FRMD4B: variants seen among roughly 807,000 people sequenced by gnomAD.
FRMD4B encodes the protein FERM domain containing 4B.
In FRMD4B, 74 loss-of-function variants were observed where a neutral mutation model predicts 141.5. The observed-to-expected ratio is 0.52, with a 90% CI of 0.43 to 0.63. The LOEUF (loss-of-function observed/expected upper bound fraction) is 0.63, where lower values mean the gene tolerates loss of function less well. Among genes scored for constraint, FRMD4B ranks in the 30% least tolerant of loss-of-function variants. The pLI, the probability that FRMD4B is intolerant of heterozygous loss-of-function variation, is 0.00. For missense variants in FRMD4B, 1,366 were observed against 1,253.4 expected (o/e 1.09, Z -1.36); for synonymous variants, 506 against 467.9 (o/e 1.08, Z -1.05).
exon 2 of FRMD4B, chr3:69,432,738 T>C (rs939087038): frequency 2.0e-5 from 3 of 152,212 alleles, no homozygotes; most frequent in African/African-American, 7.2e-5. Context: ...CATACACTCT[T>C]TCTTCTGGAT....
intron 1 of FRMD4B, among the ~76,000 whole-genome samples, chr3:69,475,106 G>C (rs1705962360): frequency 6.6e-6 from 1 of 152,164 alleles, no homozygotes; most frequent in African/African-American, 2.4e-5. Flanking sequence ...AACAGGGCCA[G>C]GTTATTACTT....
chr3:69,320,653 G>A (rs937913846), intron 1 of FRMD4B, among the ~76,000 whole-genome samples: 5 of 152,260 alleles, frequency 3.3e-5, no homozygotes, highest in Middle Eastern at 6.8e-3. Context: ...ACAAATATAG[G>A]ATCATTTCTG....
intron 4 of FRMD4B, 142 bp from the exon 5 acceptor site, chr3:69,287,978 T>C (rs1700746156): frequency 3.4e-6 from 2 of 586,092 alleles, no homozygotes; most frequent in African/African-American, 3.7e-5. Context: ...AAAAGAAATA[T>C]GCACCGCACG....
chr3:69,272,646 G>A (rs375259830), intron 5 of FRMD4B, among the ~76,000 whole-genome samples: 2 of 152,162 alleles, frequency 1.3e-5, no homozygotes, highest in East Asian at 3.8e-4. Flanking sequence ...ACTCAGCCAG[G>A]TTAGCAGATA....
chr3:69,389,452 A>G (rs189883239), upstream of FRMD4B, among the ~76,000 whole-genome samples: 1 of 152,166 alleles, frequency 6.6e-6, no homozygotes, highest in South Asian at 2.1e-4. Flanking sequence ...GTTTGTGGCA[A>G]CTTGTTTTCA....
intron 5 of FRMD4B, among the ~76,000 whole-genome samples, chr3:69,265,436 C>A: frequency 7.2e-6 from 1 of 139,838 alleles, no homozygotes. Context: ...CTAGGTGGCA[C>A]ATTTATTTGT....
chr3:69,360,014 G>C (rs1473299785), intron 1 of FRMD4B, among the ~76,000 whole-genome samples: 14 of 152,156 alleles, frequency 9.2e-5, no homozygotes, highest in Admixed American at 9.2e-4. Context: ...TTGTAGACAA[G>C]GTGGAATGCA....
At chr3:69,534,450 T>C (rs1701053879) in intron 1 of FRMD4B, among the ~76,000 whole-genome samples, 1 of 152,252 alleles carries the variant, frequency 6.6e-6, no homozygotes, top group Admixed American at 6.5e-5. Context: ...CTACCCACTT[T>C]AGTAAACACA....
intron 5 of FRMD4B, among the ~76,000 whole-genome samples, chr3:69,266,616 G>A (rs952901650): frequency 6.6e-6 from 1 of 152,128 alleles, no homozygotes; most frequent in African/African-American, 2.4e-5. Context: ...ATGAGCCACC[G>A]TGACTGGCCT....
At chr3:69,223,431 C>T (rs1351256306) in intron 8 of FRMD4B, among the ~76,000 whole-genome samples, 1 of 152,130 alleles carries the variant, frequency 6.6e-6, no homozygotes, top group Non-Finnish European at 1.5e-5. Flanking sequence ...AGGAGAATTG[C>T]TTGAACCTAG....
At chr3:69,388,521 C>T (rs190832310), upstream of FRMD4B, among the ~76,000 whole-genome samples, 1 of 152,228 alleles carries the variant, frequency 6.6e-6, no homozygotes, top group Non-Finnish European at 1.5e-5. Context: ...TAGAGAACTA[C>T]AATAGTGATA....
chr3:69,214,943 G>A (rs993230462), intron 11 of FRMD4B, among the ~76,000 whole-genome samples: 36 of 151,798 alleles, frequency 2.4e-4, no homozygotes, highest in African/African-American at 8.7e-4. Context: ...GCAGTGGCGT[G>A]ATCTCGGCTC....
intron 1 of FRMD4B, among the ~76,000 whole-genome samples, chr3:69,455,469 C>CT (rs565256383): frequency 3.3e-3 from 509 of 152,286 alleles, no homozygotes; most frequent in Non-Finnish European, 5.0e-3. Flanking sequence ...GACATGCCAC[C>CT]TTGAGAGCTG....
rs1287825291 is a variant in FRMD4B at position 69,171,549 on chromosome 3, C to A, written c.*312G>T. On this transcript the variant is annotated 3_prime_UTR_variant, in exon 23 of 23. Transcript: ENST00000398540. Reference sequence around the variant, plus strand: ...TGTTTTTGAGGTTTGCCTTTAACAACTTTTACTCCCTTAAAAAGTGCTTGC... The same window carrying A: ...TGTTTTTGAGGTTTGCCTTTAACAAATTTTACTCCCTTAAAAAGTGCTTGC... 1.9e-5 allele frequency: 4 copies of A among 209,928 alleles called. No individual in the cohort carries two copies. The highest frequency in any genetic ancestry group is 5.6e-5 in the Admixed American group (1 of 17,740). 13.0% of individuals were successfully genotyped at this position (209,928 alleles called of 1,614,324 possible). A position where few individuals can be genotyped will look rare whatever the true frequency, so the allele number is the denominator to read the frequency against.
At chr3:69,511,118 A>G (rs1200070353) in intron 1 of FRMD4B, among the ~76,000 whole-genome samples, 1 of 152,214 alleles carries the variant, frequency 6.6e-6, no homozygotes, top group Non-Finnish European at 1.5e-5. Context: ...GCCCTGATCA[A>G]CTGCCATAAG....
intron 1 of FRMD4B, among the ~76,000 whole-genome samples, chr3:69,343,235 G>A (rs1239292893): frequency 1.3e-5 from 2 of 152,126 alleles, no homozygotes; most frequent in South Asian, 2.1e-4. Flanking sequence ...TTGAAGGCAC[G>A]AGCCACTGCA....
chr3:69,252,876 T>C (rs1161402838), intron 5 of FRMD4B, among the ~76,000 whole-genome samples: 1 of 152,076 alleles, frequency 6.6e-6, no homozygotes, highest in Non-Finnish European at 1.5e-5. Context: ...ATGACTGTCA[T>C]GGATAAAAAA....
upstream of FRMD4B, among the ~76,000 whole-genome samples, chr3:69,391,046 G>GT (rs530674737): frequency 2.4e-4 from 37 of 151,254 alleles, no homozygotes; most frequent in South Asian, 8.4e-4. Flanking sequence ...TTGTTTGTTA[G>GT]TTTTTTTTTA....
intron 1 of FRMD4B, among the ~76,000 whole-genome samples, chr3:69,376,399 G>A (rs1288961100): frequency 6.6e-6 from 1 of 151,730 alleles, no homozygotes. Flanking sequence ...CATGCAAAGT[G>A]CCAAGCATAA....
Sources: allele counts gnomAD v4.1 joint callset (sites outside exome capture counted in the v4.1 genomes callset), GRCh38; gene constraint gnomAD v4.1.1; transcripts MANE v1.5; gene names NCBI Gene and HGNC (gene_info 2026-07-23, HGNC 2026-07-21).